The following GLI3 variants were observed in gnomAD, a reference collection of about 807,000 sequenced individuals.
GLI3 encodes transcription activator GLI3.
GLI3 carries 20 observed loss-of-function variants against 100.8 expected under a neutral mutation model. The ratio of observed to expected loss-of-function variants is 0.20; its 90% CI spans 0.14 to 0.29. GLI3 has a LOEUF of 0.29. Among genes scored for constraint, GLI3 ranks in the 10% least tolerant of loss-of-function variants. The pLI is 1.00. For synonymous variants in GLI3, 938 were observed against 860.5 expected (o/e 1.09, Z -1.58); for missense variants, 2,040 against 2,128.5 (o/e 0.96, Z 0.82).
At chr7:41,993,054 G>C (rs1266930322) in intron 10 of GLI3, among the ~76,000 whole-genome samples, 1 of 152,146 alleles carries the variant, frequency 6.6e-6, no homozygotes, top group African/African-American at 2.4e-5. Context: ...TTTTATCAAG[G>C]AGGCCTGCTG....
chr7:42,008,242 G>C (rs1165369271), intron 10 of GLI3, among the ~76,000 whole-genome samples: 1 of 152,108 alleles, frequency 6.6e-6, no homozygotes, highest in Admixed American at 6.5e-5. Flanking sequence ...GGGTCTCAGA[G>C]GACAATTCGG....
chr7:42,002,734 A>T (rs1412726144), intron 10 of GLI3, among the ~76,000 whole-genome samples: 2 of 152,230 alleles, frequency 1.3e-5, no homozygotes, highest in Admixed American at 1.3e-4. Context: ...TCTCATGTCC[A>T]GGGGCTATAA....
chr7:42,197,693 C>A (rs542428890), intron 2 of GLI3, among the ~76,000 whole-genome samples: 3 of 152,186 alleles, frequency 2.0e-5, no homozygotes, highest in African/African-American at 7.2e-5. Flanking sequence ...AGGTACAGTT[C>A]GCTACTCACA....
At chr7:42,005,200 A>G (rs1428429961) in intron 10 of GLI3, among the ~76,000 whole-genome samples, 1 of 152,038 alleles carries the variant, frequency 6.6e-6, no homozygotes, top group Admixed American at 6.6e-5. Context: ...ACTGCTTTTG[A>G]AGGAATTATG....
chr7:41,964,689 T>C lies in GLI3; in HGVS notation c.4384A>G (p.Ile1462Val), dbSNP rs372000475. Residue 1462 changes from isoleucine (I) to valine (V), a missense_variant, in exon 15 of 15, where the codon ATT becomes GTT. Coordinates refer to ENST00000395925, the MANE Select transcript of GLI3 (RefSeq NM_000168.6). The stretch of plus-strand genomic sequence containing the variant: ...TGTAGCAGGCAGCTGGCGTCTGAAA[T>C]AGAGAATGAACCAGCTTTCGTGTCT... Reference protein sequence around the residue: ...QQDTKAGSFSISDASCLLQGT... With the variant: ...QQDTKAGSFSVSDASCLLQGT... 6.2e-6 allele frequency: 10 copies of C among 1,614,126 alleles called. No homozygotes were observed. Among genetic ancestry groups the C allele is most frequent in the Middle Eastern group, 1.7e-4 (1 of 6,060 alleles).
At chr7:42,209,226 T>C (rs1788215100) in intron 2 of GLI3, among the ~76,000 whole-genome samples, 1 of 152,060 alleles carries the variant, frequency 6.6e-6, no homozygotes, top group Non-Finnish European at 1.5e-5. Context: ...TTTTAATAAT[T>C]TTTTTGTAGA....
At chr7:42,094,246 G>A (rs529523634) in intron 3 of GLI3, among the ~76,000 whole-genome samples, 1 of 152,254 alleles carries the variant, frequency 6.6e-6, no homozygotes, top group African/African-American at 2.4e-5. Flanking sequence ...TCTGTTCTGT[G>A]CTGCTTCAGT....
At chr7:42,224,878 A>C (rs933371820) in intron 1 of GLI3, among the ~76,000 whole-genome samples, 1 of 152,254 alleles carries the variant, frequency 6.6e-6, no homozygotes. Flanking sequence ...AGAATCGGGC[A>C]GTGAGATCTG....
chr7:42,249,639 G>A (rs1180189500), intron 1 of GLI3, among the ~76,000 whole-genome samples: 2 of 152,126 alleles, frequency 1.3e-5, no homozygotes, highest in Non-Finnish European at 2.9e-5. Flanking sequence ...TTGTGAGACC[G>A]ACTGAGCTAA....
At chr7:42,236,583 C>T (rs1788800537) in intron 1 of GLI3, among the ~76,000 whole-genome samples, 1 of 152,160 alleles carries the variant, frequency 6.6e-6, no homozygotes, top group Non-Finnish European at 1.5e-5. Flanking sequence ...AAGCCCGAGC[C>T]GTAGAGCGCC....
intron 6 of GLI3, among the ~76,000 whole-genome samples, chr7:42,040,573 T>A (rs1352599974): frequency 6.6e-6 from 1 of 152,188 alleles, no homozygotes; most frequent in Non-Finnish European, 1.5e-5. Flanking sequence ...CCATCATTAA[T>A]TCACCACAAG....
upstream of GLI3, among the ~76,000 whole-genome samples, chr7:42,239,728 C>T (rs1170291027): frequency 4.6e-5 from 7 of 152,140 alleles, no homozygotes; most frequent in African/African-American, 1.7e-4. Flanking sequence ...TAATCTTTCC[C>T]CCTATGCCCG....
intron 2 of GLI3, among the ~76,000 whole-genome samples, chr7:42,202,747 C>T (rs1463396875): frequency 1.3e-5 from 2 of 152,162 alleles, no homozygotes; most frequent in Admixed American, 6.5e-5. Flanking sequence ...TTAGGACAGC[C>T]TCCTGTTTTC....
intron 1 of GLI3, among the ~76,000 whole-genome samples, chr7:42,256,243 C>T (rs1789083625): frequency 6.6e-6 from 1 of 150,752 alleles, no homozygotes; most frequent in South Asian, 2.1e-4. Context: ...CCCAGTTTGC[C>T]TTGTCTTTTT....
intron 2 of GLI3, among the ~76,000 whole-genome samples, chr7:42,192,615 C>T (rs1048250100): frequency 1.3e-4 from 20 of 152,100 alleles, no homozygotes; most frequent in Admixed American, 4.6e-4. Flanking sequence ...GAGATGGGGG[C>T]GCTGGAAAGA....
intron 2 of GLI3, among the ~76,000 whole-genome samples, chr7:42,154,346 C>T (rs533549154): frequency 1.3e-5 from 2 of 152,166 alleles, no homozygotes; most frequent in African/African-American, 2.4e-5. Context: ...CTCCAGGACT[C>T]GGCCAGGGGC....
intron 7 of GLI3, among the ~76,000 whole-genome samples, chr7:42,027,113 T>C (rs922284291): frequency 1.3e-5 from 2 of 152,220 alleles, no homozygotes; most frequent in Non-Finnish European, 2.9e-5. Context: ...TTATGCATGC[T>C]AATGACTGTC....
chr7:42,129,868 A>G (rs997126815), intron 3 of GLI3, among the ~76,000 whole-genome samples: 3 of 152,178 alleles, frequency 2.0e-5, no homozygotes, highest in African/African-American at 7.2e-5. Flanking sequence ...CACACCCGTG[A>G]CAGTCAGATG....
chr7:42,262,196 TTTTCCTTCCTTCTTTCCTTCCTTCCTTC>T (rs1218986893), intron 1 of GLI3, among the ~76,000 whole-genome samples: 5 of 38,254 alleles, frequency 1.3e-4, no homozygotes, highest in African/African-American at 3.9e-4. Context: ...CTTTTATTTT[TTTTCCTTCCTTCTTTCCTTCCTTCCTTC>T]TTTCCTTCCT....
Sources: allele counts gnomAD v4.1 joint callset (sites outside exome capture counted in the v4.1 genomes callset), GRCh38; gene constraint gnomAD v4.1.1; transcripts MANE v1.5; gene names NCBI Gene and HGNC (gene_info 2026-07-23, HGNC 2026-07-21).